The following PPP2R5E variants were observed in gnomAD, a reference collection of about 807,000 sequenced individuals.
PPP2R5E encodes the protein protein phosphatase 2 regulatory subunit B'epsilon.
A neutral mutation model predicts 65.3 loss-of-function variants in PPP2R5E; 4 were observed. That is an observed-to-expected ratio of 0.06 (90% confidence interval 0.03 to 0.14). The LOEUF (loss-of-function observed/expected upper bound fraction) is 0.14, where lower values mean the gene tolerates loss of function less well. Among genes scored for constraint, PPP2R5E ranks in the 10% least tolerant of loss-of-function variants. The pLI, the probability that PPP2R5E is intolerant of heterozygous loss-of-function variation, is 1.00. For synonymous variants in PPP2R5E, 183 were observed against 187.4 expected, an observed-to-expected ratio of 0.98 and a Z score of 0.19; for missense variants, 274 against 556.1, an observed-to-expected ratio of 0.49 and a Z score of 5.10.
intron 4 of PPP2R5E, 146 bp from the exon 5 acceptor site, chr14:63,415,378 T>G: frequency 2.1e-6 from 1 of 483,662 alleles, no homozygotes; most frequent in Non-Finnish European, 3.6e-6. Context: ...GCCTTTCTTG[T>G]GGCTCACAGT....
chr14:63,457,725 C>T (rs1889204300), intron 2 of PPP2R5E, among the ~76,000 whole-genome samples: 1 of 152,160 alleles, frequency 6.6e-6, no homozygotes, highest in Non-Finnish European at 1.5e-5. Flanking sequence ...TTATGTAATA[C>T]CGTGAAGGTC....
At chr14:63,526,023 AT>A (rs892526662) in intron 2 of PPP2R5E, among the ~76,000 whole-genome samples, 2 of 151,440 alleles carry the variant, frequency 1.3e-5, no homozygotes, top group Admixed American at 1.3e-4. Context: ...CACCTGGCTA[AT>A]TTTTTTTGTA....
intron 2 of PPP2R5E, among the ~76,000 whole-genome samples, chr14:63,508,452 A>C (rs1255637): frequency 0.24 from 36,963 of 152,092 alleles, 6,472 homozygotes; most frequent in African/African-American, 0.5. Flanking sequence ...TATGCCTTCT[A>C]TATATATTAG....
At chr14:63,445,462 G>C (rs1308416302) in intron 3 of PPP2R5E, among the ~76,000 whole-genome samples, 1 of 152,126 alleles carries the variant, frequency 6.6e-6, no homozygotes, top group East Asian at 1.9e-4. Flanking sequence ...TTTGCTGGTG[G>C]AGGGTCTTGC....
At chr14:63,398,995 A>C (rs576542554) in intron 5 of PPP2R5E, among the ~76,000 whole-genome samples, 87 of 152,326 alleles carry the variant, frequency 5.7e-4, no homozygotes, top group African/African-American at 2.0e-3. Flanking sequence ...TTACTATATG[A>C]CTAAGCGATT....
chr14:63,411,403 A>T lies in PPP2R5E; in HGVS notation c.549+3737T>A, dbSNP rs1340205029. Among the ~76,000 whole-genome samples, 7 of 152,074 alleles carry T rather than the reference A, an allele frequency of 4.6e-5. No individual in the cohort carries two copies. The South Asian group carries it at 8.3e-4, about 18-fold the overall frequency. The stretch of plus-strand genomic sequence containing the variant: ...GTTTAACAACTTTTTCTTTTTTTTA[A>T]AATTATTTTTATTTTTATAGTTTTG... On this transcript the variant is annotated intron_variant, in intron 5 of 13. Coordinates refer to ENST00000337537, the MANE Select transcript of PPP2R5E (RefSeq NM_006246.5).
intron 12 of PPP2R5E, among the ~76,000 whole-genome samples, chr14:63,384,072 T>C (rs551070742): frequency 1.3e-4 from 20 of 152,274 alleles, no homozygotes; most frequent in Non-Finnish European, 1.8e-4. Flanking sequence ...CCTTTTAACA[T>C]GATGGATGGA....
At chr14:63,539,445 T>C (rs1249985646) in intron 2 of PPP2R5E, 84 bp downstream of exon 2, 2 of 1,433,122 alleles carry the variant, frequency 1.4e-6, no homozygotes, top group Non-Finnish European at 1.9e-6. Context: ...TTGCAACACA[T>C]ATAAAACTCT....
intron 5 of PPP2R5E, among the ~76,000 whole-genome samples, chr14:63,406,497 CCAAAAGAT>C (rs1050214049): frequency 1.2e-4 from 19 of 152,154 alleles, no homozygotes; most frequent in Admixed American, 1.1e-3. Flanking sequence ...TCTTGAAAAG[CCAAAAGAT>C]CTAGCAATAC....
chr14:63,520,884 A>C (rs988861901), intron 2 of PPP2R5E, among the ~76,000 whole-genome samples: 2 of 141,866 alleles, frequency 1.4e-5, no homozygotes, highest in Admixed American at 1.4e-4. Context: ...AAAAAAAAAA[A>C]AACAATTAGC....
chr14:63,521,992 G>C (rs898230247), intron 2 of PPP2R5E, among the ~76,000 whole-genome samples: 6 of 114,566 alleles, frequency 5.2e-5, no homozygotes, highest in Non-Finnish European at 8.3e-5. Context: ...CTCTGATACC[G>C]AGCCGAAGCT....
At chr14:63,461,174 C>G (rs1252391151) in intron 2 of PPP2R5E, among the ~76,000 whole-genome samples, 1 of 152,098 alleles carries the variant, frequency 6.6e-6, no homozygotes, top group Non-Finnish European at 1.5e-5. Context: ...GGCTTATTTC[C>G]AGGGCAGTAA....
intron 4 of PPP2R5E, among the ~76,000 whole-genome samples, chr14:63,421,104 T>A (rs1886997738): frequency 8.9e-6 from 1 of 112,708 alleles, no homozygotes; most frequent in African/African-American, 3.1e-5. Context: ...ACCTGAACCA[T>A]GAATACATTT....
chr14:63,467,238 A>AAG lies in PPP2R5E; in HGVS notation c.158-13354_158-13353insCT, dbSNP rs1889874952. Among the ~76,000 whole-genome samples, 2 of 132,118 alleles carry AAG rather than the reference A, an allele frequency of 1.5e-5. 1 individual carries two copies. The highest frequency in any genetic ancestry group is 1.4e-4 in the Admixed American group (2 of 14,206). The allele number at this position is 132,118 out of a possible 152,430, so 86.7% of individuals were successfully genotyped here. ...ACTCCGTCTCAAAAAAAACAAACAA[A>AAG]CAAACAAAAAAAACACTATTTACAA... On this transcript the variant is annotated intron_variant, in intron 2 of 13. Transcript: ENST00000337537.
At chr14:63,535,240 T>G (rs1036332944) in intron 2 of PPP2R5E, among the ~76,000 whole-genome samples, 9 of 151,716 alleles carry the variant, frequency 5.9e-5, no homozygotes, top group African/African-American at 2.2e-4. Context: ...GCCTGGCTGG[T>G]CTCAACACGT....
intron 5 of PPP2R5E, among the ~76,000 whole-genome samples, chr14:63,401,826 C>T (rs192714636): frequency 2.8e-4 from 43 of 152,214 alleles, no homozygotes; most frequent in Non-Finnish European, 2.9e-5. Context: ...TTTTTCCATT[C>T]TGCAAGCAGG....
At chr14:63,391,548 C>T (rs1168328279) in intron 10 of PPP2R5E, among the ~76,000 whole-genome samples, 1 of 152,158 alleles carries the variant, frequency 6.6e-6, no homozygotes, top group East Asian at 1.9e-4. Flanking sequence ...CTCAGCCTCC[C>T]GGGTAGCTGG....
chr14:63,376,418 T>G (rs1029452011), intron 13 of PPP2R5E, among the ~76,000 whole-genome samples: 1 of 151,820 alleles, frequency 6.6e-6, no homozygotes, highest in Non-Finnish European at 1.5e-5. Context: ...AGAAAATATA[T>G]CTGCTCCTTT....
chr14:63,466,778 T>G (rs2139536506), intron 2 of PPP2R5E, among the ~76,000 whole-genome samples: 1 of 152,216 alleles, frequency 6.6e-6, no homozygotes, highest in South Asian at 2.1e-4. Flanking sequence ...TATACATATG[T>G]GTATACATAC....
Sources: gnomAD v4.1 joint callset for allele counts (sites outside exome capture counted in the v4.1 genomes callset) on GRCh38, gnomAD v4.1.1 for gene constraint, MANE v1.5 for transcripts, NCBI Gene and HGNC (gene_info 2026-07-23, HGNC 2026-07-21) for gene names.